Variants in CDH13 observed in about 807,000 individuals in gnomAD.
CDH13 encodes the protein cadherin 13.
Under a neutral mutation model 63.8 loss-of-function variants are expected in CDH13, and 24 were observed. The ratio of observed to expected loss-of-function variants is 0.38; its 90% CI spans 0.27 to 0.53. The LOEUF is 0.53. CDH13 is among the 20% of genes least tolerant of loss of function. CDH13 has a pLI of 0.85. For missense variants in CDH13, 1,049 were observed against 903.1 expected (o/e 1.16, Z -2.07); for synonymous variants, 503 against 355.3 (o/e 1.42, Z -4.67).
chr16:83,112,036 A>T (rs2035081596), intron 3 of CDH13, among the ~76,000 whole-genome samples: 1 of 152,334 alleles, frequency 6.6e-6, no homozygotes, highest in South Asian at 2.1e-4. Context: ...TGGAGAAAAA[A>T]GTTTCCAGAG....
chr16:83,352,973 A>G (rs1208488842), intron 6 of CDH13, among the ~76,000 whole-genome samples: 1 of 152,230 alleles, frequency 6.6e-6, no homozygotes, highest in Non-Finnish European at 1.5e-5. Context: ...AATAACTCAG[A>G]AAGTCAAATA....
intron 4 of CDH13, among the ~76,000 whole-genome samples, chr16:83,168,174 G>A (rs1041261883): frequency 4.0e-5 from 6 of 151,890 alleles, no homozygotes; most frequent in African/African-American, 1.5e-4. Context: ...ACCTGCACTT[G>A]TACCCGCTGA....
At chr16:83,014,767 T>A (rs1409838523) in intron 2 of CDH13, among the ~76,000 whole-genome samples, 1 of 49,612 alleles carries the variant, frequency 2.0e-5, no homozygotes, top group Non-Finnish European at 4.1e-5. Flanking sequence ...TATATATATA[T>A]ATATATATGT....
intron 10 of CDH13, among the ~76,000 whole-genome samples, chr16:83,686,438 C>A (rs1904320897): frequency 1.3e-5 from 2 of 152,210 alleles, no homozygotes; most frequent in African/African-American, 4.8e-5. Context: ...GACCTGAATA[C>A]ATAGTCTATT....
At chr16:83,404,963 C>T (rs1240922543) in intron 6 of CDH13, among the ~76,000 whole-genome samples, 2 of 152,120 alleles carry the variant, frequency 1.3e-5, no homozygotes, top group African/African-American at 4.8e-5. Context: ...ATGTCTAAAG[C>T]AGTGAACAAA....
intron 2 of CDH13, among the ~76,000 whole-genome samples, chr16:82,971,364 C>T (rs1175184216): frequency 6.6e-6 from 1 of 152,222 alleles, no homozygotes; most frequent in African/African-American, 2.4e-5. Flanking sequence ...TCACCTTCCA[C>T]ATCAACCCCG....
At chr16:83,147,595 C>T (rs1049230385) in intron 4 of CDH13, among the ~76,000 whole-genome samples, 1 of 152,166 alleles carries the variant, frequency 6.6e-6, no homozygotes, top group Non-Finnish European at 1.5e-5. Flanking sequence ...GGAACATTTG[C>T]CTTCCTTGAA....
At chr16:83,259,729 C>A (rs1906733134) in intron 5 of CDH13, among the ~76,000 whole-genome samples, 1 of 152,062 alleles carries the variant, frequency 6.6e-6, no homozygotes, top group Non-Finnish European at 1.5e-5. Flanking sequence ...GTGATTTTGA[C>A]TGAGGAAACT....
intron 6 of CDH13, among the ~76,000 whole-genome samples, chr16:83,415,912 G>A (rs1296471461): frequency 6.6e-6 from 1 of 152,058 alleles, no homozygotes; most frequent in East Asian, 1.9e-4. Flanking sequence ...GGAGCAAGTA[G>A]GCAAGAAATA....
At chr16:83,446,726 A>C (rs1422236825) in intron 6 of CDH13, among the ~76,000 whole-genome samples, 2 of 152,168 alleles carry the variant, frequency 1.3e-5, no homozygotes, top group Non-Finnish European at 2.9e-5. Context: ...CCAATTATCT[A>C]GTCTGCTACA....
chr16:83,118,344 A>G (rs115537749), intron 3 of CDH13, among the ~76,000 whole-genome samples: 129 of 152,304 alleles, frequency 8.5e-4, no homozygotes, highest in African/African-American at 2.9e-3. Context: ...TGTCTGTTGC[A>G]TGTACATCTG....
At chr16:82,699,987 T>C (rs1283291859) in intron 1 of CDH13, among the ~76,000 whole-genome samples, 5 of 152,264 alleles carry the variant, frequency 3.3e-5, no homozygotes, top group Admixed American at 2.6e-4. Context: ...GCTTTGTTGA[T>C]TTATCCCAAC....
chr16:82,855,909 T>G (rs2039664395), intron 1 of CDH13, among the ~76,000 whole-genome samples: 1 of 152,176 alleles, frequency 6.6e-6, no homozygotes, highest in Non-Finnish European at 1.5e-5. Flanking sequence ...CTTCCAACCT[T>G]TTGACACTGC....
At chr16:83,026,889 A>G (rs1915857002) in intron 2 of CDH13, among the ~76,000 whole-genome samples, 1 of 152,144 alleles carries the variant, frequency 6.6e-6, no homozygotes, top group Non-Finnish European at 1.5e-5. Flanking sequence ...CTCTGACTTC[A>G]CCAATGAGCT....
At chr16:82,887,796 T>G (rs902657847) in intron 2 of CDH13, among the ~76,000 whole-genome samples, 1 of 151,840 alleles carries the variant, frequency 6.6e-6, no homozygotes, top group Non-Finnish European at 1.5e-5. Context: ...CACTCTAGCC[T>G]GGGTAACAGA....
intron 9 of CDH13, among the ~76,000 whole-genome samples, chr16:83,677,444 G>C (rs537056962): frequency 6.6e-6 from 1 of 152,100 alleles, no homozygotes. Context: ...GCTGTCCCCC[G>C]CCCGGCAAAT....
At chr16:83,042,664 G>C (rs570435043) in intron 3 of CDH13, among the ~76,000 whole-genome samples, 4 of 152,160 alleles carry the variant, frequency 2.6e-5, no homozygotes, top group African/African-American at 7.2e-5. Context: ...CTGTGGTGCC[G>C]AAAAAGGCTG....
intron 6 of CDH13, among the ~76,000 whole-genome samples, chr16:83,388,157 A>G (rs2091712219): frequency 6.6e-6 from 1 of 151,968 alleles, no homozygotes; most frequent in Non-Finnish European, 1.5e-5. Flanking sequence ...ATAATATTTA[A>G]GAATCACATT....
At chr16:82,697,450 G>C (rs1030701158) in intron 1 of CDH13, among the ~76,000 whole-genome samples, 2 of 95,508 alleles carry the variant, frequency 2.1e-5, no homozygotes, top group African/African-American at 8.3e-5. Context: ...TTTTTTTTGA[G>C]ACAGAGTCTC....
Sources: gnomAD v4.1 joint callset for allele counts (sites outside exome capture counted in the v4.1 genomes callset) on GRCh38, gnomAD v4.1.1 for gene constraint, MANE v1.5 for transcripts, NCBI Gene and HGNC (gene_info 2026-07-23, HGNC 2026-07-21) for gene names.